The following MYO1H variants were observed in gnomAD, a reference collection of about 807,000 sequenced individuals.
MYO1H encodes myosin IH, also known as unconventional myosin-Ih.
A neutral mutation model predicts 149.3 loss-of-function variants in MYO1H; 118 were observed. The ratio of observed to expected loss-of-function variants is 0.79; its 90% CI spans 0.68 to 0.92. The LOEUF is 0.92. MYO1H is among the 40% of genes least tolerant of loss of function. The pLI is 0.00. For synonymous variants in MYO1H, 447 were observed against 465.2 expected, an observed-to-expected ratio of 0.96 and a Z score of 0.50; for missense variants, 1,212 against 1,280.7, an observed-to-expected ratio of 0.95 and a Z score of 0.82.
intron 1 of MYO1H, among the ~76,000 whole-genome samples, chr12:109,368,869 A>T (rs1241796259): frequency 1.3e-5 from 2 of 151,854 alleles, no homozygotes; most frequent in Non-Finnish European, 2.9e-5. Context: ...CATGTCCATG[A>T]GTACCCAGCG....
the MYO1H span, among the ~76,000 whole-genome samples, chr12:109,313,195 TAA>T: frequency 6.6e-6 from 1 of 152,158 alleles, no homozygotes; most frequent in Admixed American, 6.5e-5. Context: ...TGCAGTGAGT[TAA>T]GATTGCACTA....
intron 1 of MYO1H, among the ~76,000 whole-genome samples, chr12:109,387,515 T>G (rs1230236411): frequency 6.6e-6 from 1 of 152,260 alleles, no homozygotes; most frequent in Non-Finnish European, 1.5e-5. Flanking sequence ...CTTTAGGCAT[T>G]TCTCCTTAAA....
At chr12:109,320,455 C>CAAAAAA in the MYO1H span, among the ~76,000 whole-genome samples, 33 of 63,338 alleles carry the variant, frequency 5.2e-4, no homozygotes, top group East Asian at 1.4e-3. Context: ...ATTAAAAATA[C>CAAAAAA]AAAAAAAAAA....
rs1291350925 is a variant in MYO1H, at chr12:109,443,007, A to T, written c.2689-507A>T. Among the ~76,000 whole-genome samples the T allele has an allele frequency of 3.7e-3, 310 of 83,886 alleles. 22 individuals are homozygous for T. Among genetic ancestry groups the T allele is most frequent in the East Asian group, 0.011 (38 of 3,466 alleles). The allele number at this position is 83,886 out of a possible 152,430, so 55.0% of individuals were successfully genotyped here. ...CATGCAGAGAGCCAGGAAAAAAAAA[A>T]AAATATATATATATATATATATGTG... On this transcript the variant is annotated intron_variant, in intron 27 of 31. Coordinates refer to ENST00000310903, the Ensembl canonical transcript of MYO1H.
chr12:109,385,908 T>C (rs1436332701), intron 1 of MYO1H, among the ~76,000 whole-genome samples: 1 of 152,168 alleles, frequency 6.6e-6, no homozygotes, highest in Non-Finnish European at 1.5e-5. Context: ...AATTTACATA[T>C]AGTGAAATGC....
At chr12:109,405,466 G>A (rs7965056) in intron 7 of MYO1H, among the ~76,000 whole-genome samples, 82,023 of 151,820 alleles carry the variant, frequency 0.54, 23,244 homozygotes, top group African/African-American at 0.71. Flanking sequence ...ACATGCCACC[G>A]TGCCCAGCTA....
chr12:109,328,892 C>G, the MYO1H span, among the ~76,000 whole-genome samples: 13 of 152,178 alleles, frequency 8.5e-5, no homozygotes, highest in African/African-American at 2.9e-4. Context: ...TTAACACATT[C>G]TTGAAATTCG....
At chr12:109,362,817 C>G (rs991424403) in intron 1 of MYO1H, among the ~76,000 whole-genome samples, 2 of 152,236 alleles carry the variant, frequency 1.3e-5, no homozygotes, top group Non-Finnish European at 2.9e-5. Flanking sequence ...CTATGGCCTG[C>G]TTTGGCTCCT....
At chr12:109,385,618 T>C (rs1869289337) in intron 1 of MYO1H, among the ~76,000 whole-genome samples, 2 of 152,228 alleles carry the variant, frequency 1.3e-5, no homozygotes, top group Non-Finnish European at 2.9e-5. Flanking sequence ...TATTGTTTGA[T>C]CTAAATGCAT....
At chr12:109,349,983 T>G (rs1174633489) in intron 1 of MYO1H, among the ~76,000 whole-genome samples, 2 of 147,818 alleles carry the variant, frequency 1.4e-5, no homozygotes, top group African/African-American at 5.0e-5. Flanking sequence ...AAGTTAATAT[T>G]ATTATTATAT....
chr12:109,432,078 T>A (rs1871649879), intron 19 of MYO1H, among the ~76,000 whole-genome samples: 2 of 139,588 alleles, frequency 1.4e-5, no homozygotes, highest in African/African-American at 5.5e-5. Flanking sequence ...CTCGGCTCAC[T>A]GCAAGCTTCG....
intron 7 of MYO1H, 28 bp from the exon 8 acceptor site, chr12:109,405,894 T>C: frequency 6.6e-7 from 1 of 1,506,434 alleles, no homozygotes; most frequent in Non-Finnish European, 9.2e-7. Flanking sequence ...CCTGATCTCC[T>C]GTCTCTGAAC....
chr12:109,388,700 G>T, exon 2 of MYO1H: 1 of 1,583,272 alleles, frequency 6.3e-7, no homozygotes, highest in Non-Finnish European at 8.6e-7. Flanking sequence ...ACGTGAGGAG[G>T]AAACACATCC....
chr12:109,314,971 G>T, the MYO1H span, among the ~76,000 whole-genome samples: 9 of 152,228 alleles, frequency 5.9e-5, no homozygotes, highest in Non-Finnish European at 1.2e-4. Context: ...CTGTGGTGAC[G>T]TGTGTCTGTA....
intron 23 of MYO1H, among the ~76,000 whole-genome samples, chr12:109,439,348 G>C (rs1414984669): frequency 1.3e-5 from 2 of 152,112 alleles, no homozygotes; most frequent in Non-Finnish European, 2.9e-5. Context: ...CAAAATGCTG[G>C]GATTACAGGC....
At chr12:109,413,915 G>GA (rs1401062421) in intron 14 of MYO1H, among the ~76,000 whole-genome samples, 5 of 150,860 alleles carry the variant, frequency 3.3e-5, no homozygotes, top group South Asian at 2.1e-4. Flanking sequence ...ATCTCAAAGA[G>GA]AAAAAAAAGG....
At chr12:109,378,785 A>G (rs1455172633) in intron 1 of MYO1H, among the ~76,000 whole-genome samples, 2 of 152,124 alleles carry the variant, frequency 1.3e-5, no homozygotes, top group African/African-American at 2.4e-5. Context: ...GAGAGGAAGC[A>G]AGAGAGAGAG....
At chr12:109,427,646 T>C (rs1871409438) in intron 19 of MYO1H, 60 bp downstream of exon 19, 1 of 1,167,148 alleles carries the variant, frequency 8.6e-7, no homozygotes, top group Non-Finnish European at 1.3e-6. Flanking sequence ...TGAGAATCTC[T>C]GGGGTTTAGT....
the MYO1H span, among the ~76,000 whole-genome samples, chr12:109,310,472 C>T: frequency 6.6e-6 from 1 of 152,232 alleles, no homozygotes; most frequent in Non-Finnish European, 1.5e-5. Context: ...CTCCCCAGCT[C>T]GCGTACTGCA....
Sources: gnomAD v4.1 joint callset for allele counts (sites outside exome capture counted in the v4.1 genomes callset) on GRCh38, gnomAD v4.1.1 for gene constraint, MANE v1.5 for transcripts, NCBI Gene and HGNC (gene_info 2026-07-23, HGNC 2026-07-21) for gene names.